Variants in SS18 observed in about 807,000 individuals in gnomAD.
SS18 encodes SS18 subunit of BAF chromatin remodeling complex.
SS18 carries 28 observed loss-of-function variants against 72.5 expected under a neutral mutation model. The ratio of observed to expected loss-of-function variants is 0.39; its 90% confidence interval spans 0.29 to 0.53. The LOEUF is 0.53. Among genes scored for constraint, SS18 ranks in the 20% least tolerant of loss-of-function variants. SS18 has a pLI of 0.76. For synonymous variants in SS18, 172 were observed against 164.2 expected, an observed-to-expected ratio of 1.05 and a Z score of -0.37; for missense variants, 518 against 535.3, an observed-to-expected ratio of 0.97 and a Z score of 0.32.
chr18:26,080,418 A>G, intron 2 of SS18: 4 of 985,066 alleles, frequency 4.1e-6, no homozygotes, highest in Non-Finnish European at 3.6e-6. Context: ...TGGTTTATTC[A>G]TGACCCTTTA....
At chr18:26,019,094 A>T (rs1260462893) in intron 10 of SS18, among the ~76,000 whole-genome samples, 1 of 152,216 alleles carries the variant, frequency 6.6e-6, no homozygotes, top group East Asian at 1.9e-4. Context: ...GACATGATGA[A>T]GCAGCACAAT....
At chr18:26,072,834 C>A (rs951669871) in intron 3 of SS18, among the ~76,000 whole-genome samples, 27 of 137,606 alleles carry the variant, frequency 2.0e-4, no homozygotes, top group African/African-American at 7.4e-4. Flanking sequence ...CTTAAAAGAG[C>A]TAAAAGGAAA....
At chr18:26,078,219 T>C in intron 2 of SS18, 59 bp from the exon 3 acceptor site, 1 of 1,192,206 alleles carries the variant, frequency 8.4e-7, no homozygotes, top group Non-Finnish European at 1.2e-6. Flanking sequence ...CCTGCCTAAG[T>C]ACAAACAGCA....
intron 4 of SS18, among the ~76,000 whole-genome samples, chr18:26,054,677 T>A (rs2053984233): frequency 6.7e-6 from 1 of 149,492 alleles, no homozygotes; most frequent in Non-Finnish European, 1.5e-5. Flanking sequence ...ATTTGTACTT[T>A]AAAAAAAAAG....
At chr18:26,089,835 T>C (rs2054684699) in intron 1 of SS18, 1 of 152,364 alleles carries the variant, frequency 6.6e-6, no homozygotes, top group Admixed American at 6.5e-5. Flanking sequence ...CACAGTAGCC[T>C]CAGCGCCTAA....
At chr18:26,053,173 G>A (rs978450220) in intron 4 of SS18, among the ~76,000 whole-genome samples, 1 of 152,154 alleles carries the variant, frequency 6.6e-6, no homozygotes, top group African/African-American at 2.4e-5. Flanking sequence ...CGATTGAACA[G>A]AACAGAGTCT....
intron 7 of SS18, among the ~76,000 whole-genome samples, chr18:26,036,555 A>G (rs1237007966): frequency 6.6e-6 from 1 of 152,176 alleles, no homozygotes; most frequent in Non-Finnish European, 1.5e-5. Context: ...TTGACAGAGT[A>G]TATCTTTAGT....
intron 10 of SS18, among the ~76,000 whole-genome samples, chr18:26,018,776 G>C (rs1043017973): frequency 6.6e-6 from 1 of 152,164 alleles, no homozygotes. Context: ...TGAGTGTTTA[G>C]CTTGTTATAA....
At chr18:26,081,591 T>G (rs1244881740) in intron 2 of SS18, among the ~76,000 whole-genome samples, 3 of 152,164 alleles carry the variant, frequency 2.0e-5, no homozygotes, top group African/African-American at 7.2e-5. Flanking sequence ...ATAGGTCACC[T>G]AAAAAGCAAT....
Position 26,090,560 on chromosome 18 carries a change from C to T in SS18, c.10G>A (p.Ala4Thr), listed in dbSNP as rs1276373268. 2 of 1,585,688 alleles carry T rather than the reference C, an allele frequency of 1.3e-6. No individual in the cohort carries two copies. Among genetic ancestry groups the T allele is most frequent in the South Asian group, 1.2e-5 (1 of 86,578 alleles). Residue 4 changes from alanine to threonine, a missense_variant, in exon 1 of 11, where the codon GCT becomes ACT. Physicochemically the swap from Ala to Thr is moderately conservative, Grantham distance 58 (BLOSUM62 0). Coordinates refer to ENST00000415083, the MANE Select transcript of SS18 (RefSeq NM_001007559.3). ...CCTCGCTGCCTCGGGGCCGCGAAAG[C>T]CACAGACATGTTGCCGCCGTCACCA... MSV[A>T]FAAPRQRGKG... is the part of the protein sequence containing the mutation.
intron 5 of SS18, among the ~76,000 whole-genome samples, chr18:26,048,696 G>A (rs1156574272): frequency 6.6e-6 from 1 of 152,110 alleles, no homozygotes; most frequent in East Asian, 1.9e-4. Flanking sequence ...AAGCCTCTGG[G>A]TCAGTCTAAC....
intron 2 of SS18, among the ~76,000 whole-genome samples, chr18:26,083,222 G>T (rs929437965): frequency 3.9e-5 from 6 of 152,034 alleles, no homozygotes; most frequent in Admixed American, 2.0e-4. Flanking sequence ...GAGAAAATGA[G>T]ATCTAATCCA....
intron 5 of SS18, among the ~76,000 whole-genome samples, chr18:26,050,606 G>A (rs1202761483): frequency 6.6e-6 from 1 of 152,044 alleles, no homozygotes; most frequent in South Asian, 2.1e-4. Flanking sequence ...CCAGAACACT[G>A]TATAACTTTC....
intron 5 of SS18, among the ~76,000 whole-genome samples, chr18:26,046,295 T>C (rs1033131376): frequency 1.4e-5 from 2 of 139,296 alleles, no homozygotes; most frequent in Non-Finnish European, 3.0e-5. Flanking sequence ...CAAGAATAAT[T>C]TAAAAAGTAG....
chr18:26,088,949 G>A (rs923985338), intron 1 of SS18, among the ~76,000 whole-genome samples: 1 of 151,676 alleles, frequency 6.6e-6, no homozygotes, highest in Non-Finnish European at 1.5e-5. Context: ...ACCATTGGAT[G>A]ACCAAAAAAA....
At chr18:26,087,193 T>C (rs181897407) in intron 2 of SS18, among the ~76,000 whole-genome samples, 3 of 152,288 alleles carry the variant, frequency 2.0e-5, no homozygotes, top group Admixed American at 2.0e-4. Context: ...TCAATCCATT[T>C]ATATGAAATG....
Position 26,035,246 on chromosome 18 carries a change from G to A in SS18, c.974-119C>T. On this transcript the variant is annotated intron_variant, in intron 8 of 10. Coordinates refer to ENST00000415083, the MANE Select transcript of SS18 (RefSeq NM_001007559.3). This position sits in a 1 kb window ranked among gnomAD's most constrained non-coding sequence, Gnocchi z 4.4. ...AAATGAAATGCCATATTGATTTTTA[G>A]AAGTTAACAAAACAAAGAAAAAACT... 8.0e-7 allele frequency: 1 copy of A among 1,243,760 alleles called. No individual in the cohort carries two copies. The highest frequency in any genetic ancestry group is 1.1e-6 in the Non-Finnish European group (1 of 917,666). The allele number at this position is 1,243,760 out of a possible 1,614,324, so 77.0% of individuals were successfully genotyped here. A position where few individuals can be genotyped will look rare whatever the true frequency, so the allele number is the denominator to read the frequency against.
At chr18:26,058,243 C>T (rs977835686) in intron 3 of SS18, among the ~76,000 whole-genome samples, 1 of 152,118 alleles carries the variant, frequency 6.6e-6, no homozygotes, top group African/African-American at 2.4e-5. Context: ...ATTTTTGTGC[C>T]GACTACTGCT....
chr18:26,090,601 G>A lies in SS18; in HGVS notation c.-32C>T, dbSNP rs759057169. ...GCCGTCACCACTATCGGCAAGTCCCGAGCGCTCCGGGTGAACGGCAAACTG... is the reference window on the plus strand; with the variant it reads ...GCCGTCACCACTATCGGCAAGTCCCAAGCGCTCCGGGTGAACGGCAAACTG... On this transcript the variant is annotated 5_prime_UTR_variant, in exon 1 of 11. Coordinates refer to ENST00000415083, the MANE Select transcript of SS18 (RefSeq NM_001007559.3). 10 of 1,556,104 alleles carry A rather than the reference G, an allele frequency of 6.4e-6. No individual in the cohort carries two copies. Among genetic ancestry groups the A allele is most frequent in the Non-Finnish European group, 8.7e-6 (10 of 1,150,712 alleles).
Sources: allele counts gnomAD v4.1 joint callset (sites outside exome capture counted in the v4.1 genomes callset), GRCh38; gene constraint gnomAD v4.1.1; non-coding constraint Gnocchi (gnomAD v3.1); transcripts MANE v1.5; gene names NCBI Gene and HGNC (gene_info 2026-07-23, HGNC 2026-07-21).